Variants in RBM19 observed in about 807,000 individuals in gnomAD.
RBM19 encodes probable RNA-binding protein 19.
In RBM19, 94 loss-of-function variants were observed where a neutral mutation model predicts 116.8. The observed-to-expected ratio is 0.80, with a 90% CI of 0.68 to 0.95. The LOEUF is 0.95. Ranked by LOEUF, RBM19 falls within the 40% of genes least tolerant of loss-of-function variation. The probability of loss-of-function intolerance (pLI) is 0.00; values close to 1 mark genes in which losing one functional copy is unlikely to be tolerated. For synonymous variants in RBM19, 475 were observed against 494.1 expected (o/e 0.96, Z 0.51); for missense variants, 1,161 against 1,220.7 (o/e 0.95, Z 0.73).
chr12:113,899,562 C>T (rs1566004319), intron 21 of RBM19, among the ~76,000 whole-genome samples: 1 of 152,220 alleles, frequency 6.6e-6, no homozygotes, highest in East Asian at 1.9e-4. Context: ...GTATCCACCT[C>T]CCTCTAAGCC....
At chr12:113,937,929 C>A (rs1870219690) in intron 15 of RBM19, among the ~76,000 whole-genome samples, 1 of 152,122 alleles carries the variant, frequency 6.6e-6, no homozygotes, top group South Asian at 2.1e-4. Context: ...TCCATGAAAG[C>A]CTTGCAAATC....
chr12:113,943,888 G>A (rs116753614), intron 13 of RBM19, among the ~76,000 whole-genome samples: 7,340 of 152,030 alleles, frequency 0.048, 560 homozygotes, highest in African/African-American at 0.17. Context: ...TATTAATTTT[G>A]TCTGTTTCAT....
At chr12:113,965,895 A>C (rs1872826049) in intron 1 of RBM19, among the ~76,000 whole-genome samples, 2 of 152,182 alleles carry the variant, frequency 1.3e-5, no homozygotes, top group African/African-American at 4.8e-5. Context: ...GATCGAATGA[A>C]AGAGGTTGTG....
chr12:113,834,738 A>G (rs1426955075), intron 23 of RBM19, among the ~76,000 whole-genome samples: 2 of 152,202 alleles, frequency 1.3e-5, no homozygotes, highest in Non-Finnish European at 2.9e-5. Flanking sequence ...CTGAGGATAC[A>G]GGGTACGATG....
chr12:113,950,599 G>GA (rs1871387520), intron 8 of RBM19, among the ~76,000 whole-genome samples: 1 of 152,174 alleles, frequency 6.6e-6, no homozygotes, highest in Admixed American at 6.5e-5. Flanking sequence ...GCAAATGGGG[G>GA]AGTCTTTCCT....
intron 18 of RBM19, among the ~76,000 whole-genome samples, chr12:113,921,279 G>A (rs954469423): frequency 6.6e-6 from 1 of 152,098 alleles, no homozygotes; most frequent in African/African-American, 2.4e-5. Flanking sequence ...AGAAACTTCC[G>A]CTTCCTCACT....
intron 21 of RBM19, among the ~76,000 whole-genome samples, chr12:113,878,274 C>T (rs193239922): frequency 2.2e-4 from 34 of 152,284 alleles, no homozygotes; most frequent in Admixed American, 1.4e-3. Flanking sequence ...CCTAAACACC[C>T]GGTGTCTTGA....
intron 5 of RBM19, 33 bp from the exon 6 acceptor site, chr12:113,958,083 G>C: frequency 6.3e-7 from 1 of 1,583,332 alleles, no homozygotes; most frequent in East Asian, 2.2e-5. Context: ...ATCAGCGACA[G>C]CTATGAGCAA....
At chr12:113,944,091 A>ATTTTT (rs1244100851) in intron 13 of RBM19, among the ~76,000 whole-genome samples, 1 of 78,468 alleles carries the variant, frequency 1.3e-5, no homozygotes, top group African/African-American at 6.1e-5. Context: ...CTCCAGATGC[A>ATTTTT]TGTTTTTTTT....
chr12:113,948,430 A>G (rs890035385), intron 10 of RBM19, among the ~76,000 whole-genome samples: 2 of 152,232 alleles, frequency 1.3e-5, no homozygotes, highest in Non-Finnish European at 2.9e-5. Flanking sequence ...TTAAGAGTTC[A>G]GATACGGAGG....
At chr12:113,957,746 A>G (rs113541814) in intron 6 of RBM19, 36 bp downstream of exon 6, 2 of 1,531,446 alleles carry the variant, frequency 1.3e-6, no homozygotes, top group Non-Finnish European at 1.8e-6. Flanking sequence ...AGGAGAGCGC[A>G]CCTCCTCCCT....
At chr12:113,890,035 G>A (rs1353187957) in intron 21 of RBM19, among the ~76,000 whole-genome samples, 1 of 152,240 alleles carries the variant, frequency 6.6e-6, no homozygotes, top group South Asian at 2.1e-4. Context: ...GCAGCTGGGA[G>A]CCTGGGAGTG....
At chr12:113,925,066 C>T (rs1207970781) in intron 17 of RBM19, among the ~76,000 whole-genome samples, 1 of 152,152 alleles carries the variant, frequency 6.6e-6, no homozygotes, top group Non-Finnish European at 1.5e-5. Flanking sequence ...GGTCTACTGC[C>T]CCAGTCTGGA....
intron 23 of RBM19, among the ~76,000 whole-genome samples, chr12:113,835,961 T>C (rs1251730749): frequency 6.6e-6 from 1 of 152,202 alleles, no homozygotes; most frequent in Non-Finnish European, 1.5e-5. Context: ...ATTTCTTCCA[T>C]ACCATTATAT....
chr12:113,824,428 C>T (rs538555411), intron 23 of RBM19, among the ~76,000 whole-genome samples: 44 of 152,310 alleles, frequency 2.9e-4, no homozygotes, highest in African/African-American at 9.9e-4. Context: ...AGGCTGGCTT[C>T]CTCTGTCAGT....
intron 22 of RBM19, among the ~76,000 whole-genome samples, chr12:113,854,691 G>T (rs1052320976): frequency 1.3e-5 from 2 of 152,170 alleles, no homozygotes; most frequent in African/African-American, 4.8e-5. Context: ...ACCAGGGCCC[G>T]TGATGAGGGC....
intron 21 of RBM19, among the ~76,000 whole-genome samples, chr12:113,912,445 CA>C (rs1332035561): frequency 6.6e-6 from 1 of 152,214 alleles, no homozygotes; most frequent in African/African-American, 2.4e-5. Flanking sequence ...CCCAAGAAAA[CA>C]GGCAGCAGAG....
At chr12:113,855,310 C>T (rs888131394) in intron 22 of RBM19, among the ~76,000 whole-genome samples, 2 of 152,174 alleles carry the variant, frequency 1.3e-5, no homozygotes, top group Non-Finnish European at 2.9e-5. Context: ...GAGCAAGCCG[C>T]GGCACTGGCC....
At chr12:113,869,572 G>A (rs1224202205) in intron 21 of RBM19, among the ~76,000 whole-genome samples, 1 of 152,162 alleles carries the variant, frequency 6.6e-6, no homozygotes, top group African/African-American at 2.4e-5. Context: ...CCCATTACAA[G>A]AAAATAAAGT....
Sources: gnomAD v4.1 joint callset for allele counts (sites outside exome capture counted in the v4.1 genomes callset) on GRCh38, gnomAD v4.1.1 for gene constraint, MANE v1.5 for transcripts, NCBI Gene and HGNC (gene_info 2026-07-23, HGNC 2026-07-21) for gene names.